LIN9: variants seen among roughly 807,000 people sequenced by gnomAD.
The protein encoded by LIN9 is lin-9 DREAM MuvB core complex component, also known as protein lin-9 homolog.
A neutral mutation model predicts 78.0 loss-of-function variants in LIN9; 18 were observed. The observed-to-expected ratio is 0.23, with a 90% CI of 0.16 to 0.34. LIN9 has a LOEUF of 0.34. Among genes scored for constraint, LIN9 ranks in the 10% least tolerant of loss-of-function variants. The probability of loss-of-function intolerance (pLI) is 1.00; values close to 1 mark genes in which losing one functional copy is unlikely to be tolerated. For missense variants in LIN9, 451 were observed against 644.1 expected, an observed-to-expected ratio of 0.70 and a Z score of 3.25; for synonymous variants, 192 against 215.2, an observed-to-expected ratio of 0.89 and a Z score of 0.94.
chr1:226,283,220 G>T (rs985910398), intron 6 of LIN9, among the ~76,000 whole-genome samples: 2 of 151,278 alleles, frequency 1.3e-5, no homozygotes, highest in African/African-American at 2.4e-5. Context: ...TCAACATCCA[G>T]AGCTCAAGCG....
intron 10 of LIN9, among the ~76,000 whole-genome samples, chr1:226,261,369 G>A (rs1379111921): frequency 1.3e-5 from 2 of 151,546 alleles, no homozygotes; most frequent in African/African-American, 4.9e-5. Flanking sequence ...TGACATGACT[G>A]TCTACGTAGA....
chr1:226,243,753 C>A, intron 11 of LIN9, among the ~76,000 whole-genome samples: 1 of 147,362 alleles, frequency 6.8e-6, no homozygotes, highest in East Asian at 2.0e-4. Context: ...AGTATATATT[C>A]TATAGGTATT....
chr1:226,254,851 C>T (rs1659082030), intron 10 of LIN9, among the ~76,000 whole-genome samples: 1 of 145,302 alleles, frequency 6.9e-6, no homozygotes, highest in Non-Finnish European at 1.5e-5. Flanking sequence ...GCGGAGCTTG[C>T]AGTGAGCTGA....
At chr1:226,250,266 G>T (rs1658748831) in intron 11 of LIN9, among the ~76,000 whole-genome samples, 1 of 151,558 alleles carries the variant, frequency 6.6e-6, no homozygotes, top group Non-Finnish European at 1.5e-5. Context: ...TATAAACGTT[G>T]TCAAGATAAC....
chr1:226,238,716 A>C (rs1657904906), intron 12 of LIN9, among the ~76,000 whole-genome samples: 1 of 152,172 alleles, frequency 6.6e-6, no homozygotes, highest in African/African-American at 2.4e-5. Flanking sequence ...AAGAGTAATT[A>C]GTTTTCTGGA....
At chr1:226,286,925 A>G (rs1661412034) in intron 5 of LIN9, among the ~76,000 whole-genome samples, 1 of 152,208 alleles carries the variant, frequency 6.6e-6, no homozygotes, top group South Asian at 2.1e-4. Context: ...AAACTCTCTT[A>G]AGCCTATGGA....
At chr1:226,243,064 C>T (rs933998281) in intron 11 of LIN9, among the ~76,000 whole-genome samples, 6 of 152,146 alleles carry the variant, frequency 3.9e-5, no homozygotes, top group South Asian at 4.1e-4. Flanking sequence ...AAGGTATATG[C>T]GGATTTTTGA....
At position 226,266,241 on chromosome 1, in the gene LIN9, T is replaced by C; in HGVS notation, c.908A>G (p.Tyr303Cys). The change falls in exon 9 of 15, where the codon TAT becomes TGT. Residue 303 changes from tyrosine to cysteine, a missense_variant. Physicochemically the swap from Tyr to Cys is radical, Grantham distance 194. Coordinates refer to ENST00000681046, the MANE Select transcript of LIN9 (RefSeq NM_001366245.2). ...RFFMTPPRLH[Y>C]TPPLQSPIID... ...AATTGGTGACTGGAGAGGAGGAGTA[T>C]AATGTAACCGTGGTGGGGTCATAAA... The C allele has an allele frequency of 6.3e-7, 1 of 1,594,066 alleles. No homozygotes were observed. Among genetic ancestry groups the C allele is most frequent in the Non-Finnish European group, 8.6e-7 (1 of 1,167,158 alleles).
At chr1:226,234,513 C>A (rs544926582) in intron 12 of LIN9, among the ~76,000 whole-genome samples, 133 of 152,236 alleles carry the variant, frequency 8.7e-4, no homozygotes, top group East Asian at 7.7e-4. Flanking sequence ...GTCAAGCTGG[C>A]CCTTTTTGAC....
chr1:226,266,841 G>A (rs973130374), intron 8 of LIN9, among the ~76,000 whole-genome samples: 18 of 151,106 alleles, frequency 1.2e-4, no homozygotes, highest in African/African-American at 1.9e-4. Context: ...GTGCAATGGC[G>A]CGATCTCGGA....
At chr1:226,278,022 T>A in intron 6 of LIN9, 90 bp from the exon 7 acceptor site, 1 of 1,074,598 alleles carries the variant, frequency 9.3e-7, no homozygotes, top group Non-Finnish European at 1.3e-6. Flanking sequence ...AGATAGAGTC[T>A]GGCTCTGTCA....
At position 226,277,925 on chromosome 1, in the gene LIN9, A is replaced by G; in HGVS notation, c.532T>C (p.Ser178Pro). ...RLMGKPRRCS[S>P]AFFEEERSAL... ...GATCTCTCTTCCTCAAAAAATGCAG[A>G]AGAACATCTAGAATAAATTATAAAA... Residue 178 changes from serine to proline, a missense_variant, in exon 7 of 15, where the codon TCT (serine) becomes CCT (proline). Ser to Pro is a moderately conservative substitution (Grantham distance 74). Coordinates refer to ENST00000681046, the MANE Select transcript of LIN9 (RefSeq NM_001366245.2). The G allele has an allele frequency of 6.2e-7, 1 of 1,609,904 alleles. No individual in the cohort carries two copies. Among genetic ancestry groups the G allele is most frequent in the Non-Finnish European group, 8.5e-7 (1 of 1,177,990 alleles).
At chr1:226,236,601 G>A (rs1019812294) in intron 12 of LIN9, among the ~76,000 whole-genome samples, 3 of 151,932 alleles carry the variant, frequency 2.0e-5, no homozygotes, top group African/African-American at 4.8e-5. Context: ...GACTACAGGC[G>A]CCCGCCACCA....
intron 6 of LIN9, 55 bp downstream of exon 6, chr1:226,286,278 T>G: frequency 1.3e-6 from 2 of 1,567,082 alleles, no homozygotes; most frequent in East Asian, 2.2e-5. Flanking sequence ...TATAAGTACA[T>G]GCACTGCTAC....
At chr1:226,276,057 A>T (rs1660637089) in intron 7 of LIN9, among the ~76,000 whole-genome samples, 1 of 152,122 alleles carries the variant, frequency 6.6e-6, no homozygotes, top group South Asian at 2.1e-4. Flanking sequence ...AAAAAACACA[A>T]CACACAAAAC....
intron 10 of LIN9, among the ~76,000 whole-genome samples, chr1:226,251,654 A>G (rs1198413977): frequency 6.6e-6 from 1 of 152,208 alleles, no homozygotes; most frequent in African/African-American, 2.4e-5. Context: ...GAGTCACCAC[A>G]CTCAGCGTCA....
chr1:226,289,982 GGTCT>G (rs1661648442), intron 4 of LIN9, among the ~76,000 whole-genome samples: 1 of 151,464 alleles, frequency 6.6e-6, no homozygotes, highest in African/African-American at 2.4e-5. Context: ...GTGTAGAAAA[GGTCT>G]TTCTGAGCAT....
At chr1:226,302,560 A>G (rs571630879) in intron 1 of LIN9, among the ~76,000 whole-genome samples, 1 of 152,014 alleles carries the variant, frequency 6.6e-6, no homozygotes, top group African/African-American at 2.4e-5. Flanking sequence ...AAAAAAAAAA[A>G]AAACAAACCA....
At chr1:226,292,242 C>T (rs1661837743) in intron 4 of LIN9, among the ~76,000 whole-genome samples, 1 of 152,056 alleles carries the variant, frequency 6.6e-6, no homozygotes, top group Non-Finnish European at 1.5e-5. Context: ...CTCACTGCAG[C>T]TTCCACCTCC....
Sources: allele counts gnomAD v4.1 joint callset (sites outside exome capture counted in the v4.1 genomes callset), GRCh38; gene constraint gnomAD v4.1.1; transcripts MANE v1.5; gene names NCBI Gene and HGNC (gene_info 2026-07-23, HGNC 2026-07-21).